Variants in UGDH observed in about 807,000 individuals in gnomAD.
The protein encoded by UGDH is UDP-glucose 6-dehydrogenase.
A neutral mutation model predicts 50.6 loss-of-function variants in UGDH; 38 were observed. That is an observed-to-expected ratio of 0.75 (90% CI 0.58 to 0.98). UGDH has a LOEUF of 0.98. UGDH is among the 50% of genes least tolerant of loss of function. The pLI, the probability that UGDH is intolerant of heterozygous loss-of-function variation, is 0.00. For synonymous variants in UGDH, 168 were observed against 199.9 expected (o/e 0.84, Z 1.35); for missense variants, 465 against 606.2 (o/e 0.77, Z 2.45).
chr4:39,509,436 A>G (rs763247635), intron 6 of UGDH, among the ~76,000 whole-genome samples: 9 of 152,184 alleles, frequency 5.9e-5, no homozygotes, highest in Non-Finnish European at 1.3e-4. Context: ...CTGTGTTCCA[A>G]TAAAATTTAT....
At chr4:39,504,033 G>T (rs1196627077) in intron 10 of UGDH, 48 bp from the exon 11 acceptor site, 4 of 1,524,576 alleles carry the variant, frequency 2.6e-6, no homozygotes, top group African/African-American at 2.7e-5. Context: ...CGTGGGCCGG[G>T]CGGAGTGGCT....
At chr4:39,520,910 C>T (rs1363489835) in intron 2 of UGDH, among the ~76,000 whole-genome samples, 1 of 151,444 alleles carries the variant, frequency 6.6e-6, no homozygotes. Context: ...CCCACCTCTA[C>T]TAAAATACAA....
rs373456890 is a variant in UGDH at position 39,506,233 on chromosome 4, T to TAAAAA, written c.907-490_907-486dup. 1.2e-3 allele frequency among the ~76,000 whole-genome samples: 153 copies of TAAAAA among 131,098 alleles called. 9 individuals carry two copies. Among genetic ancestry groups the TAAAAA allele is most frequent in the Admixed American group, 1.6e-3 (19 of 12,178 alleles). 86.0% of individuals were successfully genotyped at this position (131,098 alleles called of 152,430 possible). On this transcript the variant is annotated intron_variant, in intron 7 of 11. Transcript: ENST00000316423. ...ACAGAGCCAGACCCTGCCGTAAATT[T>TAAAAA]AAAAAAAAAAAAAAAGCCATTCTAA...
At chr4:39,506,258 A>G (rs1479647886) in intron 7 of UGDH, among the ~76,000 whole-genome samples, 1 of 139,626 alleles carries the variant, frequency 7.2e-6, no homozygotes. Flanking sequence ...AGCCATTCTA[A>G]AAATTTCTAA....
intron 11 of UGDH, among the ~76,000 whole-genome samples, chr4:39,502,401 T>A (rs1322828242): frequency 7.2e-5 from 11 of 152,168 alleles, no homozygotes; most frequent in Non-Finnish European, 1.5e-4. Flanking sequence ...GGTGAGAGGT[T>A]AAGAGAACCA....
chr4:39,500,393 G>T (rs999564141), intron 11 of UGDH, 140 bp from the exon 12 acceptor site: 4 of 542,350 alleles, frequency 7.4e-6, no homozygotes, highest in Non-Finnish European at 1.3e-5. Flanking sequence ...TGCTATGAGA[G>T]ATCTTTGGTT....
chr4:39,521,948 G>A (rs1746679525), intron 1 of UGDH, among the ~76,000 whole-genome samples: 1 of 152,144 alleles, frequency 6.6e-6, no homozygotes, highest in African/African-American at 2.4e-5. Context: ...GTTTATAACA[G>A]GTTTAGATTA....
At chr4:39,526,100 G>A (rs1308836828) in intron 1 of UGDH, among the ~76,000 whole-genome samples, 1 of 152,168 alleles carries the variant, frequency 6.6e-6, no homozygotes, top group Non-Finnish European at 1.5e-5. Context: ...TTTTGCATAG[G>A]TACCCAGGAG....
chr4:39,502,825 C>T (rs1159189839), intron 11 of UGDH, among the ~76,000 whole-genome samples: 2 of 152,170 alleles, frequency 1.3e-5, no homozygotes, highest in Non-Finnish European at 2.9e-5. Flanking sequence ...CAGCTCATTA[C>T]AACCTCTGCC....
rs1746661426 is a variant in UGDH at position 39,521,518 on chromosome 4, T to C, written c.-6A>G. The C allele has an allele frequency of 1.9e-6, 3 of 1,583,992 alleles. No individual in the cohort carries two copies. The highest frequency in any genetic ancestry group is 2.6e-6 in the Non-Finnish European group (3 of 1,166,194). On this transcript the variant is annotated splice_region_variant and 5_prime_UTR_variant, in exon 2 of 12. Coordinates refer to ENST00000316423, the MANE Select transcript of UGDH (RefSeq NM_003359.4). ...ATCTTCTTAATTTCAAACATGATTG[T>C]ACTAGAAGGAAAACAGTAAGACTGT...
chr4:39,504,261 T>C (rs1310134230), intron 10 of UGDH, among the ~76,000 whole-genome samples, 156 bp downstream of exon 10: 3 of 151,852 alleles, frequency 2.0e-5, no homozygotes, highest in African/African-American at 7.3e-5. Flanking sequence ...TGAGCCGAGA[T>C]TGCGCCACTG....
At position 39,505,734 on chromosome 4, in the gene UGDH, A is replaced by G. The variant is rs1377344342; in HGVS notation, c.921T>C (p.Asn307=). ...AAGCAAACCTCCTCCTCTGGTAGTCATTCATGTCTATGACCTGAAATTACA... is the reference window on the plus strand; with the variant it reads ...AAGCAAACCTCCTCCTCTGGTAGTCGTTCATGTCTATGACCTGAAATTACA... ...ARYWQQVIDM[N]DYQRRRFASR... Residue 307 remains asparagine, a synonymous_variant, in exon 8 of 12, where the codon AAT becomes AAC. Coordinates refer to ENST00000316423, the MANE Select transcript of UGDH (RefSeq NM_003359.4). 4.3e-5 allele frequency: 69 copies of G among 1,606,814 alleles called. No homozygotes were observed. The highest frequency in any genetic ancestry group is 1.7e-4 in the Middle Eastern group (1 of 6,054).
At chr4:39,513,552 T>C (rs1746326461) in intron 3 of UGDH, among the ~76,000 whole-genome samples, 1 of 142,084 alleles carries the variant, frequency 7.0e-6, no homozygotes, top group African/African-American at 2.6e-5. Flanking sequence ...TTTTTTTTTT[T>C]TTTGAGACAG....
intron 6 of UGDH, 92 bp from the exon 7 acceptor site, chr4:39,508,752 A>T: frequency 9.3e-7 from 1 of 1,072,360 alleles, no homozygotes; most frequent in Non-Finnish European, 1.3e-6. Flanking sequence ...CAGAAAGCTT[A>T]TACTAAGATT....
chr4:39,510,136 T>C (rs1746184057), intron 5 of UGDH, among the ~76,000 whole-genome samples: 1 of 152,056 alleles, frequency 6.6e-6, no homozygotes, highest in South Asian at 2.1e-4. Flanking sequence ...AAAAACCAAA[T>C]TACTATTTTA....
At chr4:39,512,139 T>C (rs1746271950) in intron 3 of UGDH, among the ~76,000 whole-genome samples, 1 of 152,086 alleles carries the variant, frequency 6.6e-6, no homozygotes, top group Non-Finnish European at 1.5e-5. Context: ...AAAATGAGGA[T>C]AGTGAGCTCT....
intron 3 of UGDH, among the ~76,000 whole-genome samples, chr4:39,513,639 C>T (rs1014969917): frequency 2.7e-5 from 4 of 147,700 alleles, no homozygotes; most frequent in African/African-American, 5.0e-5. Flanking sequence ...TTGGTTCAAG[C>T]GATTCTCCTG....
chr4:39,500,064 C>G lies in UGDH; in HGVS notation c.*79G>C. 1 of 812,488 alleles carries G rather than the reference C, an allele frequency of 1.2e-6. No homozygotes were observed. Among genetic ancestry groups the G allele is most frequent in the Non-Finnish European group, 1.9e-6 (1 of 518,386 alleles). 50.3% of individuals were successfully genotyped at this position (812,488 alleles called of 1,614,324 possible). On this transcript the variant is annotated 3_prime_UTR_variant, in exon 12 of 12. Coordinates refer to ENST00000316423, the MANE Select transcript of UGDH (RefSeq NM_003359.4). ...AAAAAAAAACACTTGGTTCATTTAC[C>G]ATTTAATAGCAGATAGATATTTGCT...
chr4:39,525,259 T>C (rs188469203), intron 1 of UGDH, among the ~76,000 whole-genome samples: 4 of 152,348 alleles, frequency 2.6e-5, no homozygotes, highest in African/African-American at 9.6e-5. Context: ...AGTGGCACCA[T>C]GTCGGCTCAC....
Sources: gnomAD v4.1 joint callset for allele counts (sites outside exome capture counted in the v4.1 genomes callset) on GRCh38, gnomAD v4.1.1 for gene constraint, MANE v1.5 for transcripts, NCBI Gene and HGNC (gene_info 2026-07-23, HGNC 2026-07-21) for gene names.